The following CCDC146 variants were observed in gnomAD, a reference collection of about 807,000 sequenced individuals.
CCDC146 encodes the protein coiled-coil domain-containing protein 146.
CCDC146 carries 92 observed loss-of-function variants against 119.3 expected under a neutral mutation model. The observed-to-expected ratio is 0.77, with a 90% confidence interval of 0.65 to 0.92. CCDC146 has a LOEUF of 0.92. CCDC146 is among the 40% of genes least tolerant of loss of function. The pLI is 0.00. For missense variants in CCDC146, 1,000 were observed against 1,103.0 expected (o/e 0.91, Z 1.32); for synonymous variants, 372 against 371.8 (o/e 1.00, Z -0.01).
chr7:77,278,295 T>A (rs548062011), intron 11 of CCDC146, among the ~76,000 whole-genome samples: 1 of 152,324 alleles, frequency 6.6e-6, no homozygotes, highest in East Asian at 1.9e-4. Flanking sequence ...TTGCGTTTTC[T>A]CTTCTCTCGT....
intron 7 of CCDC146, among the ~76,000 whole-genome samples, chr7:77,259,800 C>T (rs545693288): frequency 6.6e-6 from 1 of 152,226 alleles, no homozygotes; most frequent in Non-Finnish European, 1.5e-5. Flanking sequence ...TTCCGTGGCA[C>T]TCAGTGGAGA....
intron 9 of CCDC146, among the ~76,000 whole-genome samples, chr7:77,271,050 T>TG: frequency 1.5e-5 from 1 of 65,820 alleles, no homozygotes; most frequent in Middle Eastern, 8.1e-3. Flanking sequence ...ATTGCAGCTC[T>TG]GGAAAAAAAA....
intron 7 of CCDC146, 94 bp from the exon 8 acceptor site, chr7:77,259,915 C>G: frequency 1.2e-6 from 1 of 863,564 alleles, no homozygotes; most frequent in Non-Finnish European, 1.8e-6. Context: ...ATAGGTAAAG[C>G]CAGCATGGCC....
intron 9 of CCDC146, among the ~76,000 whole-genome samples, chr7:77,266,158 C>T (rs3114322): frequency 0.65 from 98,134 of 152,080 alleles, 32,047 homozygotes; most frequent in South Asian, 0.71. Context: ...TGAAGTTATT[C>T]GCTTTCTAAA....
intron 5 of CCDC146, chr7:77,255,215 T>C (rs1287681635): frequency 6.6e-6 from 1 of 152,198 alleles, no homozygotes; most frequent in Non-Finnish European, 1.5e-5. Context: ...TCATTTTTGG[T>C]AATACCCCAT....
chr7:77,145,638 A>G (rs1439476425), intron 1 of CCDC146, among the ~76,000 whole-genome samples: 2 of 152,152 alleles, frequency 1.3e-5, no homozygotes, highest in Non-Finnish European at 2.9e-5. Context: ...CATTGGTTTC[A>G]AAGAACATCT....
intron 6 of CCDC146, 100 bp downstream of exon 6, chr7:77,256,609 T>C: frequency 1.1e-6 from 1 of 924,230 alleles, no homozygotes; most frequent in Non-Finnish European, 1.7e-6. Flanking sequence ...AGAGGGGTAT[T>C]GTCTCACAAA....
At chr7:77,294,359 A>G (rs908787891) in intron 18 of CCDC146, among the ~76,000 whole-genome samples, 10 of 152,160 alleles carry the variant, frequency 6.6e-5, no homozygotes, top group Non-Finnish European at 1.2e-4. Flanking sequence ...GCCCATTCCA[A>G]TGAGGTGTGG....
intron 9 of CCDC146, among the ~76,000 whole-genome samples, chr7:77,271,726 G>T (rs1793526722): frequency 1.3e-5 from 2 of 151,410 alleles, no homozygotes; most frequent in South Asian, 4.2e-4. Context: ...AGAGAGCTGG[G>T]CTTTACAGAG....
At chr7:77,162,572 A>AT (rs758531576) in intron 1 of CCDC146, among the ~76,000 whole-genome samples, 83 of 152,164 alleles carry the variant, frequency 5.5e-4, no homozygotes, top group Middle Eastern at 6.8e-3. Flanking sequence ...AGAACATGTG[A>AT]TTTTTTCTAG....
chr7:77,199,732 AC>A (rs1318904630), intron 2 of CCDC146: 2 of 1,614,108 alleles, frequency 1.2e-6, no homozygotes, highest in Admixed American at 1.7e-5. Context: ...GTTTGCCACA[AC>A]CAAAAAACCG....
At chr7:77,170,338 T>C (rs1460912962) in intron 2 of CCDC146, among the ~76,000 whole-genome samples, 2 of 137,728 alleles carry the variant, frequency 1.5e-5, no homozygotes, top group African/African-American at 4.9e-5. Context: ...TAGTATTCTG[T>C]GGTGTATATA....
chr7:77,228,032 G>A (rs1792549492), intron 2 of CCDC146, among the ~76,000 whole-genome samples: 2 of 152,158 alleles, frequency 1.3e-5, no homozygotes, highest in South Asian at 4.1e-4. Flanking sequence ...TGTCTTCCCT[G>A]TACCAGACCT....
chr7:77,261,190 TG>T (rs1258567464), intron 8 of CCDC146, among the ~76,000 whole-genome samples: 1 of 152,072 alleles, frequency 6.6e-6, no homozygotes, highest in Non-Finnish European at 1.5e-5. Flanking sequence ...ACTTGTGTCA[TG>T]GGGGGTTGTT....
At chr7:77,276,608 C>T (rs1369882575) in intron 11 of CCDC146, among the ~76,000 whole-genome samples, 1 of 152,154 alleles carries the variant, frequency 6.6e-6, no homozygotes, top group Non-Finnish European at 1.5e-5. Context: ...AATTTAGACT[C>T]CATAATGAAG....
intron 3 of CCDC146, among the ~76,000 whole-genome samples, chr7:77,239,546 C>G (rs1028747982): frequency 6.6e-6 from 1 of 152,154 alleles, no homozygotes; most frequent in African/African-American, 2.4e-5. Flanking sequence ...CACAAGGTAA[C>G]TTCAGTTGAG....
chr7:77,129,682 C>T (rs1790754266), intron 1 of CCDC146, among the ~76,000 whole-genome samples: 1 of 151,984 alleles, frequency 6.6e-6, no homozygotes, highest in Non-Finnish European at 1.5e-5. Context: ...TCTCCTTGTT[C>T]AAATCTACCA....
intron 11 of CCDC146, among the ~76,000 whole-genome samples, chr7:77,277,158 C>T (rs776551397): frequency 2.0e-5 from 3 of 152,130 alleles, no homozygotes; most frequent in Non-Finnish European, 4.4e-5. Context: ...TTCACCAAGT[C>T]AGGGTCTGGG....
At chr7:77,225,170 T>G (rs917514824) in intron 2 of CCDC146, among the ~76,000 whole-genome samples, 1 of 152,226 alleles carries the variant, frequency 6.6e-6, no homozygotes. Flanking sequence ...CATATGTACA[T>G]TGATTCATTT....
Sources: gnomAD v4.1 joint callset for allele counts (sites outside exome capture counted in the v4.1 genomes callset) on GRCh38, gnomAD v4.1.1 for gene constraint, MANE v1.5 for transcripts, NCBI Gene and HGNC (gene_info 2026-07-23, HGNC 2026-07-21) for gene names.